MSRA: variants seen among roughly 807,000 people sequenced by gnomAD.
MSRA encodes the protein methionine sulfoxide reductase A.
MSRA carries 54 observed loss-of-function variants against 31.3 expected under a neutral mutation model. The ratio of observed to expected loss-of-function variants is 1.73; its 90% CI spans 1.39 to 2.17. The LOEUF (loss-of-function observed/expected upper bound fraction) is 2.17. Ranked by LOEUF, MSRA falls within the 30% of genes most tolerant of loss-of-function variation. The pLI, the probability that MSRA is intolerant of heterozygous loss-of-function variation, is 0.00. For synonymous variants in MSRA, 169 were observed against 116.5 expected (o/e 1.45, Z -2.90); for missense variants, 507 against 300.9 (o/e 1.69, Z -5.07).
intron 3 of MSRA, among the ~76,000 whole-genome samples, chr8:10,272,453 A>G (rs778639913): frequency 4.2e-4 from 64 of 152,338 alleles, no homozygotes; most frequent in Admixed American, 1.4e-3. Context: ...TTCAAGCCGG[A>G]GGAGTCCTTT....
Position 10,231,645 on chromosome 8 carries a change from G to A in MSRA, c.212-13459G>A, listed in dbSNP as rs140584056. ...GGGTCGGGTGCAGTGGCTCACGCCT[G>A]TAATCCCAACACTTTGGGAGGCTGA... On this transcript the variant is annotated intron_variant, in intron 2 of 5. Coordinates refer to ENST00000317173, the MANE Select transcript of MSRA (RefSeq NM_012331.5). Among the ~76,000 whole-genome samples, 16 of 152,358 alleles carry A rather than the reference G, an allele frequency of 1.1e-4. No individual in the cohort carries two copies. The East Asian group carries it at 2.9e-3, about 28-fold the overall frequency.
chr8:10,059,208 A>T (rs1292687016), intron 1 of MSRA: 1 of 152,264 alleles, frequency 6.6e-6, no homozygotes, highest in Non-Finnish European at 1.5e-5. Context: ...GTAAGCCAGG[A>T]TAAATTTCAG....
At chr8:10,282,394 T>G (rs1799668833) in intron 3 of MSRA, among the ~76,000 whole-genome samples, 1 of 152,232 alleles carries the variant, frequency 6.6e-6, no homozygotes, top group Non-Finnish European at 1.5e-5. Context: ...CTGACCTCCA[T>G]AATGGATATC....
At chr8:10,069,385 G>C (rs1258498436) in intron 1 of MSRA, among the ~76,000 whole-genome samples, 1 of 152,176 alleles carries the variant, frequency 6.6e-6, no homozygotes. Flanking sequence ...TATGATATTA[G>C]CTCTGGATTT....
At chr8:10,135,352 C>T (rs1048526812) in intron 1 of MSRA, among the ~76,000 whole-genome samples, 1 of 152,174 alleles carries the variant, frequency 6.6e-6, no homozygotes, top group African/African-American at 2.4e-5. Flanking sequence ...TCCCAGTTTA[C>T]TTGGCATGAG....
chr8:10,245,963 G>A (rs1430945407), intron 3 of MSRA, among the ~76,000 whole-genome samples: 1 of 152,204 alleles, frequency 6.6e-6, no homozygotes, highest in Non-Finnish European at 1.5e-5. Flanking sequence ...TGTGTTTTCT[G>A]TAAGGAAAAA....
intron 1 of MSRA, among the ~76,000 whole-genome samples, chr8:10,121,993 T>C (rs564410349): frequency 6.6e-6 from 1 of 152,186 alleles, no homozygotes; most frequent in Non-Finnish European, 1.5e-5. Context: ...TGTAGGACTT[T>C]TAGAAAACAT....
chr8:10,273,753 G>C (rs1585332922), intron 3 of MSRA, among the ~76,000 whole-genome samples: 1 of 152,110 alleles, frequency 6.6e-6, no homozygotes, highest in East Asian at 1.9e-4. Flanking sequence ...CTCAACTGAA[G>C]TCGATAAATA....
rs551822566 is a variant in MSRA at position 10,066,119 on chromosome 8, T to C, written c.142+11461T>C. 1.9e-3 allele frequency among the ~76,000 whole-genome samples: 284 copies of C among 152,192 alleles called. 1 individual carries two copies. Among genetic ancestry groups the C allele is most frequent in the African/African-American group, 6.5e-3 (271 of 41,542 alleles). On this transcript the variant is annotated intron_variant, in intron 1 of 5. Transcript: ENST00000317173. The stretch of plus-strand genomic sequence containing the variant: ...CTCACTGCACCCTCCGTCTCCCGGA[T>C]TCAAGCGATTCTCCATACCTCAGCC...
At chr8:10,090,630 C>T (rs1169321757) in intron 1 of MSRA, among the ~76,000 whole-genome samples, 3 of 152,126 alleles carry the variant, frequency 2.0e-5, no homozygotes, top group East Asian at 1.9e-4. Flanking sequence ...ACCATTAAAC[C>T]GTGAAAATGT....
At chr8:10,287,581 C>T (rs1321905324) in intron 3 of MSRA, among the ~76,000 whole-genome samples, 2 of 152,086 alleles carry the variant, frequency 1.3e-5, no homozygotes, top group African/African-American at 4.8e-5. Context: ...CTGAGAGAAC[C>T]CCTTTGAGAC....
chr8:10,234,101 A>G (rs1811731297), intron 2 of MSRA, among the ~76,000 whole-genome samples: 1 of 152,178 alleles, frequency 6.6e-6, no homozygotes, highest in African/African-American at 2.4e-5. Context: ...TTCAGATATA[A>G]AAAGACTTAA....
chr8:10,092,184 G>A (rs1352118620), intron 1 of MSRA, among the ~76,000 whole-genome samples: 2 of 151,870 alleles, frequency 1.3e-5, no homozygotes, highest in Non-Finnish European at 2.9e-5. Context: ...CATTATTTAG[G>A]AGTGTTATTT....
intron 2 of MSRA, among the ~76,000 whole-genome samples, chr8:10,218,785 G>A (rs1417582798): frequency 1.3e-5 from 2 of 152,142 alleles, no homozygotes; most frequent in African/African-American, 2.4e-5. Context: ...TTAATTTGAC[G>A]GAATGACCAT....
chr8:10,331,202 G>C (rs1802675339), intron 5 of MSRA, among the ~76,000 whole-genome samples: 1 of 152,206 alleles, frequency 6.6e-6, no homozygotes, highest in Non-Finnish European at 1.5e-5. Flanking sequence ...AAGCCACGTA[G>C]TCTGTTACTT....
At position 10,277,960 on chromosome 8, in the gene MSRA, A is replaced by C. The variant is rs143338752; in HGVS notation, c.332-23574A>C. On this transcript the variant is annotated intron_variant, in intron 3 of 5. Transcript: ENST00000317173. Reference sequence around the variant, plus strand: ...AAAATACCTATGAAGGAATTGTAAGAGTAGTACCTGTTATTACAGCAGGGG... The same window carrying C: ...AAAATACCTATGAAGGAATTGTAAGCGTAGTACCTGTTATTACAGCAGGGG... Among the ~76,000 whole-genome samples, 38 of 152,344 alleles carry C rather than the reference A, an allele frequency of 2.5e-4. 1 individual carries two copies. Among genetic ancestry groups the C allele is most frequent in the African/African-American group, 8.7e-4 (36 of 41,584 alleles).
intron 3 of MSRA, among the ~76,000 whole-genome samples, chr8:10,286,587 A>C (rs1056876885): frequency 2.0e-5 from 3 of 152,222 alleles, no homozygotes; most frequent in African/African-American, 7.2e-5. Flanking sequence ...AAACAGACTA[A>C]TACAAACATC....
chr8:10,099,007 G>C (rs2128931630), intron 1 of MSRA, among the ~76,000 whole-genome samples: 1 of 152,288 alleles, frequency 6.6e-6, no homozygotes, highest in East Asian at 1.9e-4. Context: ...AGGCCAGCAT[G>C]GCCCTTTGAA....
At chr8:10,335,073 G>T in intron 5 of MSRA, among the ~76,000 whole-genome samples, 1 of 152,256 alleles carries the variant, frequency 6.6e-6, no homozygotes, top group African/African-American at 2.4e-5. Context: ...TGCGTTGCAG[G>T]ACGGGCCGGG....
Sources: gnomAD v4.1 joint callset for allele counts (sites outside exome capture counted in the v4.1 genomes callset) on GRCh38, gnomAD v4.1.1 for gene constraint, MANE v1.5 for transcripts, NCBI Gene and HGNC (gene_info 2026-07-23, HGNC 2026-07-21) for gene names.